TBC1D1: variants seen among roughly 807,000 people sequenced by gnomAD.
TBC1D1 encodes the protein TBC1 domain family member 1, also known as TBC1 (tre-2/USP6, BUB2, cdc16) domain family, member 1.
Under a neutral mutation model 125.6 loss-of-function variants are expected in TBC1D1, and 89 were observed. The observed-to-expected ratio is 0.71, with a 90% CI of 0.60 to 0.85. TBC1D1 has a LOEUF of 0.85. Ranked by LOEUF, TBC1D1 falls within the 40% of genes least tolerant of loss-of-function variation. The probability of loss-of-function intolerance (pLI) is 0.00; values close to 1 mark genes in which losing one functional copy is unlikely to be tolerated. For missense variants in TBC1D1, 1,377 were observed against 1,469.2 expected (o/e 0.94, Z 1.03); for synonymous variants, 565 against 564.1 (o/e 1.00, Z -0.02).
chr4:38,088,510 T>G (rs766307067), intron 12 of TBC1D1, among the ~76,000 whole-genome samples: 10 of 152,214 alleles, frequency 6.6e-5, no homozygotes, highest in Non-Finnish European at 1.5e-4. Flanking sequence ...GCAGCTGTGC[T>G]CAGTGTGGTG....
chr4:38,092,734 TAAAAA>T (rs772977772), intron 13 of TBC1D1, among the ~76,000 whole-genome samples: 1 of 131,162 alleles, frequency 7.6e-6, no homozygotes, highest in Non-Finnish European at 1.6e-5. Flanking sequence ...GACTCCATCT[TAAAAA>T]AAAAAAAAAA....
At chr4:38,114,793 A>G (rs1762699062) in intron 15 of TBC1D1, among the ~76,000 whole-genome samples, 1 of 151,768 alleles carries the variant, frequency 6.6e-6, no homozygotes, top group Non-Finnish European at 1.5e-5. Flanking sequence ...TTTCTTTTAA[A>G]CTCTTTTTGG....
chr4:38,072,420 G>A (rs1754859580), intron 12 of TBC1D1, among the ~76,000 whole-genome samples: 1 of 152,098 alleles, frequency 6.6e-6, no homozygotes, highest in Non-Finnish European at 1.5e-5. Context: ...GTGGCCTTTT[G>A]TTTTCTTGGT....
chr4:38,129,084 G>C (rs111259921), intron 18 of TBC1D1, among the ~76,000 whole-genome samples: 3 of 152,306 alleles, frequency 2.0e-5, no homozygotes, highest in Admixed American at 6.5e-5. Flanking sequence ...GGCCACACCC[G>C]AGACCTGCTG....
chr4:37,955,585 A>T (rs1045816813), intron 2 of TBC1D1, among the ~76,000 whole-genome samples: 1 of 152,242 alleles, frequency 6.6e-6, no homozygotes, highest in Non-Finnish European at 1.5e-5. Flanking sequence ...CAGTACAGAC[A>T]CAACCATCCT....
chr4:37,896,321 T>C (rs1466860215), intron 1 of TBC1D1, among the ~76,000 whole-genome samples: 2 of 152,140 alleles, frequency 1.3e-5, no homozygotes, highest in African/African-American at 4.8e-5. Flanking sequence ...TAGTTTGCTG[T>C]GAAGGAGTGG....
At chr4:38,012,939 AC>A in intron 2 of TBC1D1, among the ~76,000 whole-genome samples, 1 of 152,192 alleles carries the variant, frequency 6.6e-6, no homozygotes, top group African/African-American at 2.4e-5. Flanking sequence ...GATTACAGGC[AC>A]CTGCCACCAC....
intron 5 of TBC1D1, among the ~76,000 whole-genome samples, chr4:38,021,174 G>A (rs146069863): frequency 6.6e-6 from 1 of 152,294 alleles, no homozygotes; most frequent in East Asian, 1.9e-4. Context: ...CAGCAGGCAG[G>A]GCAGCGTGTG....
At chr4:38,111,021 CTGAG>C (rs1010261549) in intron 15 of TBC1D1, among the ~76,000 whole-genome samples, 1 of 152,228 alleles carries the variant, frequency 6.6e-6, no homozygotes, top group African/African-American at 2.4e-5. Flanking sequence ...GTGTGAGGGG[CTGAG>C]TGTGTTCTCA....
At chr4:37,945,723 T>C (rs1726566277) in intron 2 of TBC1D1, among the ~76,000 whole-genome samples, 1 of 152,110 alleles carries the variant, frequency 6.6e-6, no homozygotes, top group Admixed American at 6.6e-5. Flanking sequence ...AGGATTCCCA[T>C]ACAAAGCCTT....
chr4:38,022,065 A>G (rs1744154092), intron 6 of TBC1D1, among the ~76,000 whole-genome samples: 1 of 152,212 alleles, frequency 6.6e-6, no homozygotes, highest in African/African-American at 2.4e-5. Context: ...AGATATCTAG[A>G]AAGATAAGAA....
chr4:38,080,867 A>C (rs1376574335), intron 12 of TBC1D1, among the ~76,000 whole-genome samples: 1 of 152,216 alleles, frequency 6.6e-6, no homozygotes, highest in Non-Finnish European at 1.5e-5. Flanking sequence ...AATTGAATGC[A>C]TGATTGGTCA....
intron 2 of TBC1D1, among the ~76,000 whole-genome samples, chr4:37,933,609 T>C (rs1723772581): frequency 1.3e-5 from 2 of 152,220 alleles, no homozygotes; most frequent in South Asian, 2.1e-4. Flanking sequence ...AAATAGGTAA[T>C]ATATGTTAAG....
chr4:38,037,802 T>C (rs1218150974), intron 8 of TBC1D1, among the ~76,000 whole-genome samples: 1 of 152,128 alleles, frequency 6.6e-6, no homozygotes, highest in Non-Finnish European at 1.5e-5. Context: ...ACCAAAAGAA[T>C]AGTGCTGGAG....
Position 38,135,281 on chromosome 4 carries a change from A to G in TBC1D1, c.3307-1854A>G, listed in dbSNP as rs544073035. 2.6e-5 allele frequency among the ~76,000 whole-genome samples: 4 copies of G among 152,356 alleles called. No homozygotes were observed. In the East Asian group the frequency reaches 5.8e-4, roughly 22 times the overall value. Reference sequence around the variant, plus strand: ...TGTTAAATACATGTGAACGTTGTCTAGACGCTGGAGAGCAAATTCTACCAC... The same window carrying G: ...TGTTAAATACATGTGAACGTTGTCTGGACGCTGGAGAGCAAATTCTACCAC... On this transcript the variant is annotated intron_variant, in intron 19 of 19. Coordinates refer to ENST00000261439, the MANE Select transcript of TBC1D1 (RefSeq NM_015173.4).
At chr4:38,045,746 C>A in intron 9 of TBC1D1, 71 bp from the exon 10 acceptor site, 1 of 1,094,104 alleles carries the variant, frequency 9.1e-7, no homozygotes, top group Non-Finnish European at 1.4e-6. Flanking sequence ...TTAAATGGAC[C>A]AATCTGCTTC....
At chr4:38,053,706 TATC>T (rs755359845) in intron 11 of TBC1D1, among the ~76,000 whole-genome samples, 2 of 152,276 alleles carry the variant, frequency 1.3e-5, no homozygotes, top group South Asian at 2.1e-4. Flanking sequence ...TTAAAACAAT[TATC>T]ATCATCAAGT....
chr4:38,052,183 G>A (rs570871705), intron 11 of TBC1D1, 123 bp downstream of exon 12: 33 of 809,220 alleles, frequency 4.1e-5, no homozygotes, highest in Non-Finnish European at 6.2e-5. Context: ...GTGTGTGTGT[G>A]TGTGTGTGTG....
At chr4:38,095,873 A>G in intron 13 of TBC1D1, 56 bp from the exon 16 acceptor site, 1 of 1,526,020 alleles carries the variant, frequency 6.6e-7, no homozygotes, top group African/African-American at 1.4e-5. Context: ...ATGTTGTGTA[A>G]TGGAAATTCC....
Sources: allele counts gnomAD v4.1 joint callset (sites outside exome capture counted in the v4.1 genomes callset), GRCh38; gene constraint gnomAD v4.1.1; transcripts MANE v1.5; gene names NCBI Gene and HGNC (gene_info 2026-07-23, HGNC 2026-07-21).